LY86: variants seen among roughly 807,000 people sequenced by gnomAD.
The protein encoded by LY86 is lymphocyte antigen 86.
Under a neutral mutation model 17.3 loss-of-function variants are expected in LY86, and 20 were observed. The ratio of observed to expected loss-of-function variants is 1.15; its 90% CI spans 0.81 to 1.68. LY86 has a LOEUF of 1.68. LY86 is among the 40% of genes most tolerant of loss of function. LY86 has a pLI of 0.00. For missense variants in LY86, 200 were observed against 191.9 expected (o/e 1.04, Z -0.25); for synonymous variants, 74 against 70.6 (o/e 1.05, Z -0.24).
chr6:6,627,617 T>A (rs1216738321), intron 3 of LY86, among the ~76,000 whole-genome samples: 1 of 152,124 alleles, frequency 6.6e-6, no homozygotes, highest in African/African-American at 2.4e-5. Context: ...TGTCTTTTTA[T>A]TCCCAGTATT....
intron 1 of LY86, among the ~76,000 whole-genome samples, chr6:6,606,079 A>C (rs1415086023): frequency 6.6e-6 from 1 of 152,180 alleles, no homozygotes; most frequent in Non-Finnish European, 1.5e-5. Context: ...GCCTGCTTTT[A>C]TTCTCATCTG....
intron 4 of LY86, among the ~76,000 whole-genome samples, chr6:6,650,363 C>A (rs1178249555): frequency 7.1e-6 from 1 of 141,378 alleles, no homozygotes; most frequent in Non-Finnish European, 1.5e-5. Context: ...TTGAGAGAGT[C>A]TTGTTCTGCC....
chr6:6,650,468 T>G (rs1035008146), intron 4 of LY86, among the ~76,000 whole-genome samples: 4 of 151,982 alleles, frequency 2.6e-5, no homozygotes, highest in Admixed American at 6.6e-5. Flanking sequence ...CCAAGTAGCT[T>G]GGACTACAGG....
At chr6:6,623,900 T>TG (rs1367555680) in intron 1 of LY86, among the ~76,000 whole-genome samples, 6 of 152,340 alleles carry the variant, frequency 3.9e-5, no homozygotes, top group African/African-American at 1.4e-4. Context: ...GATTCAGTGT[T>TG]GCAGGATAAG....
rs3804462 is a variant in LY86 at position 6,590,772 on chromosome 6, A to C, written c.136+1902A>C. On this transcript the variant is annotated intron_variant, in intron 1 of 4. Coordinates refer to ENST00000230568, the MANE Select transcript of LY86 (RefSeq NM_004271.4). ...AAGCATCTGAATTGGCCTCACTCTA[A>C]GCTGGGGAGTGATGAGGATGCAGTG... Among the ~76,000 whole-genome samples the C allele has an allele frequency of 0.013, 2,043 of 152,270 alleles. 125 individuals are homozygous for C. The East Asian group carries it at 0.2, about 15-fold the overall frequency.
intron 1 of LY86, among the ~76,000 whole-genome samples, chr6:6,619,858 A>T (rs1761634909): frequency 6.6e-6 from 1 of 152,112 alleles, no homozygotes; most frequent in African/African-American, 2.4e-5. Context: ...AGACAGGGAG[A>T]GAGGGAAAGA....
At chr6:6,641,301 C>T (rs1220494681) in intron 3 of LY86, among the ~76,000 whole-genome samples, 2 of 152,196 alleles carry the variant, frequency 1.3e-5, no homozygotes, top group Non-Finnish European at 2.9e-5. Context: ...ATAGGTTATT[C>T]TACTTATGCA....
chr6:6,648,338 C>T (rs1762136275), intron 3 of LY86, among the ~76,000 whole-genome samples: 1 of 152,214 alleles, frequency 6.6e-6, no homozygotes, highest in African/African-American at 2.4e-5. Flanking sequence ...ATCTGAACTC[C>T]CTACCATTTC....
chr6:6,618,771 G>A (rs914375212), intron 1 of LY86, among the ~76,000 whole-genome samples: 23 of 152,126 alleles, frequency 1.5e-4, no homozygotes, highest in African/African-American at 5.1e-4. Flanking sequence ...AATGGGAGTG[G>A]AACTACTATT....
chr6:6,606,784 C>T (rs555641215), intron 1 of LY86, among the ~76,000 whole-genome samples: 6 of 152,254 alleles, frequency 3.9e-5, no homozygotes, highest in Non-Finnish European at 5.9e-5. Context: ...CGCGCGCAGC[C>T]CGGGTTCCCG....
intron 1 of LY86, 59 bp from the exon 2 acceptor site, chr6:6,624,867 A>C: frequency 1.3e-6 from 1 of 756,848 alleles, no homozygotes; most frequent in South Asian, 1.6e-5. Flanking sequence ...GCAAATTTTG[A>C]ATATGTTTGC....
At chr6:6,607,106 TAAC>T (rs749347386) in intron 1 of LY86, among the ~76,000 whole-genome samples, 2 of 152,232 alleles carry the variant, frequency 1.3e-5, no homozygotes, top group African/African-American at 2.4e-5. Context: ...AAACGGCAGA[TAAC>T]AATAGCACAC....
intron 3 of LY86, among the ~76,000 whole-genome samples, chr6:6,643,824 C>A (rs1251783740): frequency 2.0e-5 from 3 of 151,772 alleles, no homozygotes; most frequent in African/African-American, 7.3e-5. Context: ...CCACGTTATA[C>A]AACTTAAATA....
chr6:6,605,730 G>C (rs1018010993), intron 1 of LY86, among the ~76,000 whole-genome samples: 1 of 152,260 alleles, frequency 6.6e-6, no homozygotes, highest in Non-Finnish European at 1.5e-5. Flanking sequence ...GAGTGTTACA[G>C]TTCTTAAAAG....
At chr6:6,612,968 G>A (rs1485445712) in intron 1 of LY86, among the ~76,000 whole-genome samples, 1 of 146,334 alleles carries the variant, frequency 6.8e-6, no homozygotes, top group South Asian at 2.1e-4. Flanking sequence ...CTAGACACAG[G>A]GTGCTGATTG....
At chr6:6,645,077 T>C (rs76356316) in intron 3 of LY86, among the ~76,000 whole-genome samples, 1,707 of 152,164 alleles carry the variant, frequency 0.011, 29 homozygotes, top group African/African-American at 0.039. Context: ...CCCGGGAGCA[T>C]TAAATAAGCA....
At chr6:6,599,849 C>T (rs1760842358) in intron 1 of LY86, among the ~76,000 whole-genome samples, 1 of 66,484 alleles carries the variant, frequency 1.5e-5, no homozygotes, top group Non-Finnish European at 4.4e-5. Context: ...CCCGACAGCA[C>T]CCTCCCAGGC....
chr6:6,633,760 A>G (rs1296644681), intron 3 of LY86, among the ~76,000 whole-genome samples: 3 of 152,240 alleles, frequency 2.0e-5, no homozygotes, highest in African/African-American at 4.8e-5. Context: ...CCTTGGTTCC[A>G]TAACACCAAG....
At chr6:6,593,441 G>A (rs1760594287) in intron 1 of LY86, among the ~76,000 whole-genome samples, 1 of 152,202 alleles carries the variant, frequency 6.6e-6, no homozygotes, top group Admixed American at 6.5e-5. Context: ...ACATGTTCCA[G>A]GGGTTAAGAG....
Sources: allele counts gnomAD v4.1 joint callset (sites outside exome capture counted in the v4.1 genomes callset), GRCh38; gene constraint gnomAD v4.1.1; transcripts MANE v1.5; gene names NCBI Gene and HGNC (gene_info 2026-07-23, HGNC 2026-07-21).